ANKRD36: variants seen among roughly 807,000 people sequenced by gnomAD.
ANKRD36 encodes ankyrin repeat domain-containing protein 36A.
ANKRD36 carries 179 observed loss-of-function variants against 278.1 expected under a neutral mutation model. That is an observed-to-expected ratio of 0.64 (90% CI 0.57 to 0.73). The LOEUF (loss-of-function observed/expected upper bound fraction) is 0.73, where lower values mean the gene tolerates loss of function less well. Among genes scored for constraint, ANKRD36 ranks in the 30% least tolerant of loss-of-function variants. ANKRD36 has a pLI of 0.00. For missense variants in ANKRD36, 1,159 were observed against 1,956.7 expected, an observed-to-expected ratio of 0.59 and a Z score of 7.69; for synonymous variants, 320 against 641.1, an observed-to-expected ratio of 0.50 and a Z score of 7.57.
chr2:97,202,499 C>T (rs1182151179), intron 48 of ANKRD36, 106 bp downstream of exon 48: 2 of 1,483,640 alleles, frequency 1.3e-6, no homozygotes, highest in African/African-American at 2.9e-5. Context: ...CTTTCTGATT[C>T]AGCAGGCTGG....
At chr2:97,179,962 T>C (rs199994375) in intron 24 of ANKRD36, 29 bp downstream of exon 24, 1 of 1,602,816 alleles carries the variant, frequency 6.2e-7, no homozygotes, top group South Asian at 1.1e-5. Context: ...TCTAATGTCA[T>C]GTTCAATCAA....
chr2:97,130,376 C>T (rs1197684754), intron 6 of ANKRD36, among the ~76,000 whole-genome samples: 1 of 140,550 alleles, frequency 7.1e-6, no homozygotes, highest in East Asian at 2.1e-4. Context: ...TGTTCTCACT[C>T]ATAGGTGGGA....
chr2:97,192,919 T>C (rs1397873326), intron 37 of ANKRD36, 33 bp downstream of exon 37: 1 of 1,602,818 alleles, frequency 6.2e-7, no homozygotes, highest in Non-Finnish European at 8.5e-7. Context: ...TGTGAATGAG[T>C]TAAGGTATGG....
intron 30 of ANKRD36, 33 bp from the exon 31 acceptor site, chr2:97,187,165 T>A (rs2057574658): frequency 1.2e-6 from 2 of 1,608,520 alleles, no homozygotes; most frequent in Non-Finnish European, 1.7e-6. Flanking sequence ...CATATTTACA[T>A]ATGAGTGATT....
At chr2:97,178,461 A>G (rs1343783095) in intron 22 of ANKRD36, among the ~76,000 whole-genome samples, 1 of 151,862 alleles carries the variant, frequency 6.6e-6, no homozygotes, top group African/African-American at 2.4e-5. Context: ...GGATTAAGAA[A>G]ATGTGGCACA....
At chr2:97,182,275 T>C (rs1397489196) in intron 26 of ANKRD36, among the ~76,000 whole-genome samples, 1 of 103,634 alleles carries the variant, frequency 9.6e-6, no homozygotes, top group South Asian at 2.4e-4. Context: ...AAATAAGTTA[T>C]TTATGTAATT....
chr2:97,165,786 G>C (rs2050473803), intron 20 of ANKRD36, among the ~76,000 whole-genome samples: 1 of 152,324 alleles, frequency 6.6e-6, no homozygotes, highest in African/African-American at 2.4e-5. Flanking sequence ...ATGAATTTTT[G>C]GTAGAAATGA....
chr2:97,195,503 G>A (rs13394778), intron 40 of ANKRD36, among the ~76,000 whole-genome samples: 8,206 of 148,830 alleles, frequency 0.055, 1 homozygote, highest in African/African-American at 0.17. Flanking sequence ...GATTTTGGCA[G>A]CTCCAGCAAC....
chr2:97,217,799 G>A (rs2066360577), intron 64 of ANKRD36, among the ~76,000 whole-genome samples: 1 of 151,662 alleles, frequency 6.6e-6, no homozygotes, highest in Admixed American at 6.6e-5. Flanking sequence ...AGAATGAGGA[G>A]CAAGGTGACC....
In ANKRD36 at chr2:97,191,005, A is replaced by C. The variant is rs2058400964; in HGVS notation, c.2273A>C (p.Lys758Thr). ...TVSSQKQPAL[K>T]ATTDEKDSVS... Reference sequence around the variant, plus strand: ...TCTTCTCAGAAACAACCAGCCTTGAAGGTAATTAAACTCTCATTTATATTG... The same window carrying C: ...TCTTCTCAGAAACAACCAGCCTTGACGGTAATTAAACTCTCATTTATATTG... The change falls in exon 35 of 76, where the codon AAG (lysine) becomes ACG (threonine). Residue 758 changes from lysine to threonine, a missense_variant and splice_region_variant. By Grantham distance (78) the Lys-to-Thr change is moderately conservative. Transcript: ENST00000420699. 1 of 1,605,000 alleles carries C rather than the reference A, an allele frequency of 6.2e-7. No individual in the cohort carries two copies. Among genetic ancestry groups the C allele is most frequent in the African/African-American group, 1.3e-5 (1 of 74,514 alleles).
chr2:97,158,554 AT>A, intron 16 of ANKRD36, 33 bp from the exon 17 acceptor site: 1 of 1,530,682 alleles, frequency 6.5e-7, no homozygotes, highest in Non-Finnish European at 8.7e-7. Context: ...AATTACATGC[AT>A]TTCATCTACT....
intron 40 of ANKRD36, among the ~76,000 whole-genome samples, chr2:97,196,338 A>G (rs2059755795): frequency 1.3e-5 from 2 of 151,954 alleles, no homozygotes; most frequent in Non-Finnish European, 2.9e-5. Context: ...TGATATTGAT[A>G]CGGTTTTATT....
intron 8 of ANKRD36, among the ~76,000 whole-genome samples, chr2:97,144,102 T>C (rs1296349662): frequency 6.6e-6 from 1 of 152,164 alleles, no homozygotes; most frequent in Non-Finnish European, 1.5e-5. Flanking sequence ...TGATAAATAT[T>C]TGTAGTATAA....
At chr2:97,170,680 A>G (rs984154661) in intron 22 of ANKRD36, among the ~76,000 whole-genome samples, 36 of 152,094 alleles carry the variant, frequency 2.4e-4, no homozygotes, top group African/African-American at 8.2e-4. Context: ...AGCAATGGCA[A>G]CAAAAGACAA....
chr2:97,231,447 G>T (rs2072050449), intron 67 of ANKRD36, among the ~76,000 whole-genome samples: 1 of 152,158 alleles, frequency 6.6e-6, no homozygotes, highest in Admixed American at 6.5e-5. Flanking sequence ...CCAGGTGCAG[G>T]ATATAATTTC....
rs2045726558 is a variant in ANKRD36 at position 97,150,808 on chromosome 2, C to T, written c.1102-1071C>T. Among the ~76,000 whole-genome samples the T allele has an allele frequency of 2.6e-5, 4 of 152,318 alleles. No homozygotes were observed. In the South Asian group the frequency reaches 8.3e-4, roughly 32 times the overall value. On this transcript the variant is annotated intron_variant, in intron 12 of 75. Transcript: ENST00000420699. The stretch of plus-strand genomic sequence containing the variant: ...TTAAATACCTTTTTTTTGGGACATA[C>T]ATTACTCTTTCAAATTCTGAATAAA...
At chr2:97,211,832 C>T (rs1298764261) in intron 58 of ANKRD36, 91 bp downstream of exon 58, 1 of 1,384,848 alleles carries the variant, frequency 7.2e-7, no homozygotes. Flanking sequence ...TTCGTCAAGC[C>T]TTCATGTTCT....
Position 97,164,484 on chromosome 2 carries a change from A to T in ANKRD36, c.1531+15A>T. The T allele has an allele frequency of 6.5e-7, 1 of 1,534,012 alleles. No individual in the cohort carries two copies. The highest frequency in any genetic ancestry group is 8.7e-7 in the Non-Finnish European group (1 of 1,145,352). ...TTCCAGTGAAGGTAAATTTGCCGCT[A>T]CAAATTTCGTTCTAGAAAATGTAGA... On this transcript the variant is annotated intron_variant, in intron 20 of 75. Transcript: ENST00000420699.
chr2:97,202,139 G>T (rs1174526882), intron 46 of ANKRD36, 63 bp from the exon 47 acceptor site: 1 of 1,601,208 alleles, frequency 6.2e-7, no homozygotes. Context: ...AACAGTGCTC[G>T]AATGTATGGA....
Sources: gnomAD v4.1 joint callset for allele counts (sites outside exome capture counted in the v4.1 genomes callset) on GRCh38, gnomAD v4.1.1 for gene constraint, MANE v1.5 for transcripts, NCBI Gene and HGNC (gene_info 2026-07-23, HGNC 2026-07-21) for gene names.